ACCSL: variants seen among roughly 807,000 people sequenced by gnomAD.
ACCSL encodes probable inactive 1-aminocyclopropane-1-carboxylate synthase-like protein 2.
A neutral mutation model predicts 61.7 loss-of-function variants in ACCSL; 55 were observed. The ratio of observed to expected loss-of-function variants is 0.89; its 90% confidence interval spans 0.72 to 1.12. ACCSL has a LOEUF of 1.12. Among genes scored for constraint, ACCSL ranks in the 50% most tolerant of loss-of-function variants. The pLI, the probability that ACCSL is intolerant of heterozygous loss-of-function variation, is 0.00. For missense variants in ACCSL, 632 were observed against 698.0 expected (o/e 0.91, Z 1.07); for synonymous variants, 258 against 264.3 (o/e 0.98, Z 0.23).
chr11:44,038,295 C>T, the ACCSL span, among the ~76,000 whole-genome samples: 19 of 152,182 alleles, frequency 1.2e-4, no homozygotes, highest in East Asian at 2.9e-3. Context: ...GTAGCCCAGA[C>T]GCTGGATTCA....
the ACCSL span, among the ~76,000 whole-genome samples, chr11:44,018,759 G>A: frequency 0.023 from 3,484 of 152,314 alleles, 157 homozygotes; most frequent in African/African-American, 0.08. Flanking sequence ...CTTGAGGCTA[G>A]GAGTTTGAGA....
chr11:43,936,947 T>C, the ACCSL span, among the ~76,000 whole-genome samples: 2 of 152,076 alleles, frequency 1.3e-5, no homozygotes, highest in Admixed American at 1.3e-4. Context: ...GAGGGGATGA[T>C]CTTATTGCTA....
the ACCSL span, among the ~76,000 whole-genome samples, chr11:43,951,859 G>C: frequency 6.6e-6 from 1 of 152,260 alleles, no homozygotes; most frequent in South Asian, 2.1e-4. Context: ...ACATTAGCCA[G>C]GCATGTTGGC....
the ACCSL span, among the ~76,000 whole-genome samples, chr11:44,010,339 C>CA: frequency 1.3e-5 from 2 of 150,792 alleles, no homozygotes; most frequent in Non-Finnish European, 3.0e-5. Flanking sequence ...AACTCTGTCT[C>CA]AAAAAAAAAT....
At chr11:43,986,855 T>C in the ACCSL span, among the ~76,000 whole-genome samples, 1 of 152,142 alleles carries the variant, frequency 6.6e-6, no homozygotes, top group Non-Finnish European at 1.5e-5. Flanking sequence ...CTAGATTCAG[T>C]GTATGAGACA....
the ACCSL span, among the ~76,000 whole-genome samples, chr11:43,956,773 C>T: frequency 2.5e-4 from 38 of 152,154 alleles, no homozygotes; most frequent in Non-Finnish European, 5.0e-4. Context: ...AGACAATTGA[C>T]TGTTTCAATC....
the ACCSL span, among the ~76,000 whole-genome samples, chr11:43,984,083 CTCCA>C: frequency 2.0e-5 from 3 of 151,970 alleles, no homozygotes; most frequent in Non-Finnish European, 4.4e-5. Flanking sequence ...TGCCACTTCA[CTCCA>C]GCCTGGGTGA....
chr11:43,925,362 GA>G, the ACCSL span: 1 of 456,234 alleles, frequency 2.2e-6, no homozygotes, highest in South Asian at 1.5e-5. Flanking sequence ...AGCAGCCCCA[GA>G]AGGTCACGGT....
At chr11:43,931,189 C>A in the ACCSL span, among the ~76,000 whole-genome samples, 2 of 152,142 alleles carry the variant, frequency 1.3e-5, no homozygotes, top group Non-Finnish European at 2.9e-5. Context: ...GGAGGTGTAC[C>A]CCCCACGCCC....
At chr11:44,038,777 T>C in the ACCSL span, among the ~76,000 whole-genome samples, 1 of 152,206 alleles carries the variant, frequency 6.6e-6, no homozygotes, top group Non-Finnish European at 1.5e-5. Flanking sequence ...CCTTACTTTT[T>C]AAAAAATTTT....
At chr11:43,993,385 C>T in the ACCSL span, among the ~76,000 whole-genome samples, 1 of 152,160 alleles carries the variant, frequency 6.6e-6, no homozygotes, top group Non-Finnish European at 1.5e-5. Context: ...GATTCAGACT[C>T]TGGCAGGCTG....
At chr11:43,962,096 C>T in the ACCSL span, among the ~76,000 whole-genome samples, 2 of 152,106 alleles carry the variant, frequency 1.3e-5, no homozygotes, top group South Asian at 2.1e-4. Flanking sequence ...ACATCTCTCC[C>T]CCTCCCTCTC....
chr11:44,024,333 C>T, the ACCSL span, among the ~76,000 whole-genome samples: 1 of 152,084 alleles, frequency 6.6e-6, no homozygotes, highest in South Asian at 2.1e-4. Context: ...CTCCAGCTTG[C>T]AGATGGCAGA....
the ACCSL span, among the ~76,000 whole-genome samples, chr11:44,011,940 C>A: frequency 1.3e-5 from 2 of 152,182 alleles, no homozygotes; most frequent in East Asian, 3.9e-4. Context: ...GCAATGAATA[C>A]TTGCTCCAAT....
rs1228824740 is a variant in ACCSL at position 44,055,200 on chromosome 11, A to C, written c.1050-2A>C. 4 of 1,583,518 alleles carry C rather than the reference A, an allele frequency of 2.5e-6. No homozygotes were observed. Among genetic ancestry groups the C allele is most frequent in the Non-Finnish European group, 3.5e-6 (4 of 1,156,288 alleles). On this transcript the variant is annotated splice_acceptor_variant, in intron 8 of 13. Coordinates refer to ENST00000378832, the MANE Select transcript of ACCSL (RefSeq NM_001031854.2). LOFTEE classifies it high-confidence loss of function. ...GTTCTCCTTCTTTCATCTAATCTAC[A>C]GGTATAACCTACATGTGATCATAGA...
the ACCSL span, among the ~76,000 whole-genome samples, chr11:43,987,950 C>G: frequency 6.6e-6 from 1 of 152,052 alleles, no homozygotes; most frequent in East Asian, 1.9e-4. Context: ...GGGAATTTTC[C>G]TGGGCCAAGA....
the ACCSL span, among the ~76,000 whole-genome samples, chr11:43,971,736 C>A: frequency 1.3e-5 from 2 of 152,160 alleles, no homozygotes; most frequent in Non-Finnish European, 2.9e-5. Flanking sequence ...ATTGTCCTCC[C>A]CACTCAGCTC....
the ACCSL span, among the ~76,000 whole-genome samples, chr11:43,931,833 C>A: frequency 5.3e-5 from 8 of 152,326 alleles, no homozygotes; most frequent in African/African-American, 1.9e-4. Flanking sequence ...ATGCCTTCCA[C>A]AGGGGGGCAA....
At chr11:43,978,882 C>T in the ACCSL span, among the ~76,000 whole-genome samples, 3 of 136,070 alleles carry the variant, frequency 2.2e-5, no homozygotes, top group Admixed American at 8.3e-5. Flanking sequence ...ATCAACTGGT[C>T]GGGTAAGGGG....
Sources: allele counts gnomAD v4.1 joint callset (sites outside exome capture counted in the v4.1 genomes callset), GRCh38; gene constraint gnomAD v4.1.1; transcripts MANE v1.5; gene names NCBI Gene and HGNC (gene_info 2026-07-23, HGNC 2026-07-21).